Variants in L3MBTL3 observed in about 807,000 individuals in gnomAD.
L3MBTL3 encodes L3MBTL histone methyl-lysine binding protein 3.
A neutral mutation model predicts 102.3 loss-of-function variants in L3MBTL3; 27 were observed. The ratio of observed to expected loss-of-function variants is 0.26; its 90% CI spans 0.19 to 0.36. The LOEUF (loss-of-function observed/expected upper bound fraction) is 0.36, where lower values mean the gene tolerates loss of function less well. Among genes scored for constraint, L3MBTL3 ranks in the 10% least tolerant of loss-of-function variants. The probability of loss-of-function intolerance (pLI) is 1.00; values close to 1 mark genes in which losing one functional copy is unlikely to be tolerated. For synonymous variants in L3MBTL3, 340 were observed against 320.9 expected, an observed-to-expected ratio of 1.06 and a Z score of -0.64; for missense variants, 798 against 955.3, an observed-to-expected ratio of 0.84 and a Z score of 2.17.
chr6:130,074,379 C>G (rs62421345), intron 13 of L3MBTL3, among the ~76,000 whole-genome samples: 9,696 of 152,246 alleles, frequency 0.064, 455 homozygotes, highest in Non-Finnish European at 0.1. Flanking sequence ...TGGGTTTCTT[C>G]TGTGCTTTTG....
intron 18 of L3MBTL3, 121 bp from the exon 19 acceptor site, chr6:130,104,305 T>C: frequency 1.7e-6 from 1 of 583,894 alleles, no homozygotes; most frequent in Non-Finnish European, 2.8e-6. Context: ...TATAACAATA[T>C]AACATATTCA....
intron 1 of L3MBTL3, among the ~76,000 whole-genome samples, chr6:130,020,102 AAG>A (rs1366051689): frequency 2.0e-5 from 3 of 149,144 alleles, no homozygotes; most frequent in African/African-American, 7.4e-5. Flanking sequence ...TGGGGAGGAA[AAG>A]AGGGGTCGGG....
intron 11 of L3MBTL3, 146 bp from the exon 12 acceptor site, chr6:130,068,184 C>A: frequency 3.7e-6 from 2 of 543,326 alleles, no homozygotes; most frequent in Non-Finnish European, 6.7e-6. Context: ...TCTAAATATG[C>A]ATAGTTATGA....
In L3MBTL3 at chr6:130,078,547, G is replaced by GT. The variant is rs1783103330; in HGVS notation, c.1245-10dup. ...TGATAATTGCAGTTTTTTAATTTGT[G>GT]TAACTTTCAGGTGTGAAGCATCAAG... On this transcript the variant is annotated splice_polypyrimidine_tract_variant and intron_variant, in intron 13 of 22. Transcript: ENST00000361794. 6.3e-7 allele frequency: 1 copy of GT among 1,598,048 alleles called. No individual in the cohort carries two copies. Among genetic ancestry groups the GT allele is most frequent in the South Asian group, 1.1e-5 (1 of 89,430 alleles).
chr6:130,133,555 A>G lies in L3MBTL3; in HGVS notation c.2070A>G (p.Gln690=), dbSNP rs1425555803. The part of the protein sequence containing the change: ...IPCLPLRWEQ[Q]SKLLPTVAGI... ...GTCTGCCCTTGCGCTGGGAGCAGCA[A>G]AGCAAACTTCTTCCAACTGTCGCAG... Residue 690 remains glutamine, a synonymous_variant, in exon 21 of 23, where the codon CAA becomes CAG. Transcript: ENST00000361794. The surrounding 1 kb of genome is among the most constrained non-coding windows in gnomAD (Gnocchi z 4.9). 1 of 1,613,992 alleles carries G rather than the reference A, an allele frequency of 6.2e-7. No homozygotes were observed. Among genetic ancestry groups the G allele is most frequent in the African/African-American group, 1.3e-5 (1 of 74,922 alleles).
chr6:130,040,960 C>T (rs1780382852), intron 2 of L3MBTL3, among the ~76,000 whole-genome samples: 1 of 152,186 alleles, frequency 6.6e-6, no homozygotes, highest in African/African-American at 2.4e-5. Context: ...GCTGCTACTA[C>T]AGTTGTTGCC....
intron 14 of L3MBTL3, among the ~76,000 whole-genome samples, chr6:130,079,504 C>T (rs1458658255): frequency 1.3e-5 from 2 of 152,108 alleles, no homozygotes; most frequent in South Asian, 4.2e-4. Flanking sequence ...TTTGTGCGTA[C>T]ATCACTACTC....
At chr6:130,073,376 G>T (rs897961310) in intron 13 of L3MBTL3, among the ~76,000 whole-genome samples, 2 of 152,128 alleles carry the variant, frequency 1.3e-5, no homozygotes, top group Non-Finnish European at 2.9e-5. Context: ...TGTGCTTGGT[G>T]GGCTATGATG....
At chr6:130,055,934 C>T (rs1447491838) in intron 8 of L3MBTL3, among the ~76,000 whole-genome samples, 1 of 148,876 alleles carries the variant, frequency 6.7e-6, no homozygotes, top group Non-Finnish European at 1.5e-5. Context: ...CCCTCCCCTC[C>T]CCTCTCTTTT....
chr6:130,069,836 T>C (rs1017131518), intron 12 of L3MBTL3, among the ~76,000 whole-genome samples: 3 of 152,208 alleles, frequency 2.0e-5, no homozygotes, highest in African/African-American at 7.2e-5. Flanking sequence ...TTTTTCCATT[T>C]CTAGATTACC....
intron 2 of L3MBTL3, among the ~76,000 whole-genome samples, chr6:130,034,195 A>G (rs79164338): frequency 0.07 from 10,722 of 152,264 alleles, 547 homozygotes; most frequent in Middle Eastern, 0.13. Context: ...TAGGAAGGAA[A>G]GATTATGAAG....
intron 10 of L3MBTL3, among the ~76,000 whole-genome samples, chr6:130,063,041 A>G (rs1584353624): frequency 6.9e-6 from 1 of 145,188 alleles, no homozygotes; most frequent in South Asian, 2.2e-4. Flanking sequence ...CAATGGTAAG[A>G]CAACATAGTA....
chr6:130,062,642 A>G (rs937948997), intron 10 of L3MBTL3, among the ~76,000 whole-genome samples: 2 of 146,544 alleles, frequency 1.4e-5, no homozygotes, highest in Non-Finnish European at 1.5e-5. Context: ...CAGTCCTCCC[A>G]TCTTGGCCTC....
chr6:130,019,068 G>C (rs1000015997), intron 1 of L3MBTL3, among the ~76,000 whole-genome samples: 2 of 151,946 alleles, frequency 1.3e-5, no homozygotes, highest in Admixed American at 6.6e-5. Flanking sequence ...GGTGTGGGGG[G>C]CCGTGCGGAA....
chr6:130,024,748 A>G (rs1408194398), intron 2 of L3MBTL3, among the ~76,000 whole-genome samples: 1 of 152,122 alleles, frequency 6.6e-6, no homozygotes, highest in Non-Finnish European at 1.5e-5. Context: ...GGTGTTGAAC[A>G]CTTAAAAGAC....
At chr6:130,060,190 G>A in intron 10 of L3MBTL3, 50 bp downstream of exon 10, 1 of 1,139,818 alleles carries the variant, frequency 8.8e-7, no homozygotes, top group Admixed American at 2.3e-5. Context: ...TGATTATGGG[G>A]ATTTAAAATG....
At chr6:130,073,801 A>C (rs1367578432) in intron 13 of L3MBTL3, among the ~76,000 whole-genome samples, 1 of 152,216 alleles carries the variant, frequency 6.6e-6, no homozygotes, top group East Asian at 1.9e-4. Context: ...GAAAAGAAAA[A>C]AATTGATCTC....
At chr6:130,070,498 CTT>C (rs1782557324) in intron 12 of L3MBTL3, among the ~76,000 whole-genome samples, 2 of 152,110 alleles carry the variant, frequency 1.3e-5, no homozygotes, top group South Asian at 2.1e-4. Flanking sequence ...CGAGAGTACT[CTT>C]TTGAGAGATA....
At chr6:130,074,858 G>A (rs944197992) in intron 13 of L3MBTL3, among the ~76,000 whole-genome samples, 11 of 152,278 alleles carry the variant, frequency 7.2e-5, no homozygotes, top group Middle Eastern at 6.8e-3. Flanking sequence ...AAAAGAAAAG[G>A]GTTATTAGTG....
Sources: gnomAD v4.1 joint callset for allele counts (sites outside exome capture counted in the v4.1 genomes callset) on GRCh38, gnomAD v4.1.1 for gene constraint, Gnocchi (gnomAD v3.1) non-coding constraint, MANE v1.5 for transcripts, NCBI Gene and HGNC (gene_info 2026-07-23, HGNC 2026-07-21) for gene names.